Variants in PCDH15 observed in about 807,000 individuals in gnomAD.
The protein encoded by PCDH15 is protocadherin-15.
A neutral mutation model predicts 178.5 loss-of-function variants in PCDH15; 129 were observed. The observed-to-expected ratio is 0.72, with a 90% CI of 0.63 to 0.84. The LOEUF (loss-of-function observed/expected upper bound fraction) is 0.84, where lower values mean the gene tolerates loss of function less well. Ranked by LOEUF, PCDH15 falls within the 40% of genes least tolerant of loss-of-function variation. PCDH15 has a pLI of 0.00. For missense variants in PCDH15, 2,230 were observed against 2,099.9 expected (o/e 1.06, Z -1.21); for synonymous variants, 800 against 732.0 (o/e 1.09, Z -1.50).
intron 3 of PCDH15, among the ~76,000 whole-genome samples, chr10:54,441,410 A>G (rs2075782837): frequency 6.6e-6 from 1 of 151,930 alleles, no homozygotes; most frequent in African/African-American, 2.4e-5. Flanking sequence ...GAGAATGTCC[A>G]TGAGTCAGCT....
intron 2 of PCDH15, among the ~76,000 whole-genome samples, chr10:55,606,679 A>C (rs1843225414): frequency 6.8e-6 from 1 of 147,756 alleles, no homozygotes; most frequent in South Asian, 2.2e-4. Context: ...GGTGCTGGGA[A>C]AACTGGCTAG....
intron 2 of PCDH15, among the ~76,000 whole-genome samples, chr10:54,576,243 CT>C (rs2090470685): frequency 6.6e-6 from 1 of 152,150 alleles, no homozygotes. Flanking sequence ...GCAATGATCC[CT>C]TTTGTACAGT....
At chr10:55,485,146 G>T (rs1840269473) in intron 2 of PCDH15, among the ~76,000 whole-genome samples, 1 of 151,686 alleles carries the variant, frequency 6.6e-6, no homozygotes, top group Non-Finnish European at 1.5e-5. Context: ...TCTGACAAAT[G>T]ATTCATGTTT....
intron 2 of PCDH15, among the ~76,000 whole-genome samples, chr10:55,524,487 G>C (rs779097706): frequency 1.3e-5 from 2 of 151,530 alleles, no homozygotes; most frequent in Non-Finnish European, 3.0e-5. Context: ...ATTATACATT[G>C]AAATGATATT....
At chr10:55,425,594 T>C (rs933069147) in intron 2 of PCDH15, among the ~76,000 whole-genome samples, 2 of 152,072 alleles carry the variant, frequency 1.3e-5, no homozygotes, top group Admixed American at 6.6e-5. Context: ...ATGTAAAATA[T>C]CTTTATCTCA....
chr10:55,381,002 G>A (rs1344671452), intron 2 of PCDH15, among the ~76,000 whole-genome samples: 3 of 152,128 alleles, frequency 2.0e-5, no homozygotes, highest in African/African-American at 7.2e-5. Context: ...TTACCCAAGT[G>A]GTAGGAAAGA....
rs1389856178 is a variant in PCDH15, at chr10:55,286,302, AT to A, written c.-156+33296del. On this transcript the variant is annotated intron_variant, in intron 1 of 5. Coordinates refer to the PCDH15 transcript ENST00000458638. ...TGCTCTGTATTTTATCTAATTGCTA[AT>A]TCATATAAATTTTACTGTCAGTCCC... Among the ~76,000 whole-genome samples the A allele has an allele frequency of 2.0e-5, 3 of 152,054 alleles. No individual in the cohort carries two copies. In the East Asian group the frequency reaches 5.8e-4, roughly 29 times the overall value.
chr10:53,979,467 C>G (rs926124051), intron 21 of PCDH15, among the ~76,000 whole-genome samples: 5 of 152,182 alleles, frequency 3.3e-5, no homozygotes, highest in Non-Finnish European at 7.4e-5. Flanking sequence ...GGTGAGGACA[C>G]AGCAAAACCA....
intron 1 of PCDH15, among the ~76,000 whole-genome samples, chr10:54,711,832 A>C (rs2132367490): frequency 1.3e-5 from 2 of 152,094 alleles, no homozygotes; most frequent in South Asian, 2.1e-4. Context: ...TTAAAATTAT[A>C]ATCCTTAAGT....
chr10:55,070,271 T>C (rs1380429047), intron 2 of PCDH15, among the ~76,000 whole-genome samples: 1 of 152,200 alleles, frequency 6.6e-6, no homozygotes, highest in Non-Finnish European at 1.5e-5. Flanking sequence ...GTGCAGAAGC[T>C]GTTTAGTTTA....
At chr10:54,695,073 G>T (rs117193481) in intron 1 of PCDH15, among the ~76,000 whole-genome samples, 12,138 of 151,830 alleles carry the variant, frequency 0.08, 538 homozygotes, top group South Asian at 0.14. Flanking sequence ...GTAGGGGGAG[G>T]GGGAGGGGGA....
chr10:54,230,593 T>C (rs1348391280), intron 9 of PCDH15, among the ~76,000 whole-genome samples: 1 of 152,100 alleles, frequency 6.6e-6, no homozygotes, highest in Non-Finnish European at 1.5e-5. Context: ...GTATACTGTA[T>C]ACTTGGCCAT....
At chr10:55,255,707 T>C (rs1283525433) in intron 1 of PCDH15, among the ~76,000 whole-genome samples, 2 of 152,234 alleles carry the variant, frequency 1.3e-5, no homozygotes, top group Non-Finnish European at 2.9e-5. Context: ...TGGCCAGTGA[T>C]GATGAGCATT....
In PCDH15 at chr10:54,383,838, TGA is replaced by T. The variant is rs577702044; in HGVS notation, c.158-4898_158-4897del. On this transcript the variant is annotated intron_variant, in intron 3 of 37. Coordinates refer to ENST00000644397, the MANE Select transcript of PCDH15 (RefSeq NM_001384140.1). The stretch of plus-strand genomic sequence containing the variant: ...TGGTTATTTTATTTTATTTTATTTT[TGA>T]GAGAGTCTTGCTCTGTTGCCCAGGC... Among the ~76,000 whole-genome samples the T allele has an allele frequency of 2.6e-5, 4 of 152,140 alleles. No individual in the cohort carries two copies. In the South Asian group the frequency reaches 8.3e-4, roughly 32 times the overall value.
chr10:54,165,243 T>A lies in PCDH15; in HGVS notation c.1591-11950A>T, dbSNP rs562820485. Among the ~76,000 whole-genome samples, 16 of 152,252 alleles carry A rather than the reference T, an allele frequency of 1.1e-4. 1 individual carries two copies. The South Asian group carries it at 1.9e-3, about 18-fold the overall frequency. On this transcript the variant is annotated intron_variant, in intron 13 of 37. Transcript: ENST00000644397. Reference sequence around the variant, plus strand: ...CCCTTCTCTTACGCATATCCTAGAATAATCCAAGATGATGGGCACCTCAGT... The same window carrying A: ...CCCTTCTCTTACGCATATCCTAGAAAAATCCAAGATGATGGGCACCTCAGT...
chr10:53,901,865 C>T (rs564342286), intron 26 of PCDH15, among the ~76,000 whole-genome samples: 7 of 152,316 alleles, frequency 4.6e-5, no homozygotes, highest in South Asian at 2.1e-4. Context: ...AATTGCACCA[C>T]TCTCATTCTT....
intron 3 of PCDH15, among the ~76,000 whole-genome samples, chr10:54,469,756 G>C (rs1342577907): frequency 6.6e-6 from 1 of 152,038 alleles, no homozygotes; most frequent in Non-Finnish European, 1.5e-5. Flanking sequence ...GGGTCCTCTG[G>C]CTCCAAGGCA....
intron 13 of PCDH15, among the ~76,000 whole-genome samples, chr10:54,180,395 C>A (rs770541450): frequency 2.8e-4 from 43 of 152,144 alleles, no homozygotes; most frequent in Non-Finnish European, 5.6e-4. Flanking sequence ...ATTGAGTATG[C>A]ACTCACATCA....
intron 3 of PCDH15, among the ~76,000 whole-genome samples, chr10:54,519,550 A>G (rs1344552169): frequency 6.6e-6 from 1 of 152,178 alleles, no homozygotes; most frequent in East Asian, 1.9e-4. Flanking sequence ...CCACTGCTCA[A>G]TGAAATAAAA....
Sources: gnomAD v4.1 joint callset for allele counts (sites outside exome capture counted in the v4.1 genomes callset) on GRCh38, gnomAD v4.1.1 for gene constraint, MANE v1.5 for transcripts, NCBI Gene and HGNC (gene_info 2026-07-23, HGNC 2026-07-21) for gene names.